CRACD: variants seen among roughly 807,000 people sequenced by gnomAD.
CRACD encodes capping protein inhibiting regulator of actin dynamics, also known as capping protein-inhibiting regulator of actin dynamics.
Under a neutral mutation model 106.8 loss-of-function variants are expected in CRACD, and 56 were observed. That is an observed-to-expected ratio of 0.52 (90% confidence interval 0.42 to 0.66). CRACD has a LOEUF of 0.66. Ranked by LOEUF, CRACD falls within the 30% of genes least tolerant of loss-of-function variation. The probability of loss-of-function intolerance (pLI) is 0.00; values close to 1 mark genes in which losing one functional copy is unlikely to be tolerated. For missense variants in CRACD, 1,730 were observed against 1,623.2 expected, an observed-to-expected ratio of 1.07 and a Z score of -1.13; for synonymous variants, 754 against 670.8, an observed-to-expected ratio of 1.12 and a Z score of -1.92.
At chr4:56,200,111 C>T (rs1413404538) in intron 2 of CRACD, among the ~76,000 whole-genome samples, 1 of 150,688 alleles carries the variant, frequency 6.6e-6, no homozygotes, top group Non-Finnish European at 1.5e-5. Context: ...TTTGAGCATC[C>T]TAGATGCAGT....
intron 1 of CRACD, among the ~76,000 whole-genome samples, chr4:56,160,407 C>T (rs1175659793): frequency 2.0e-5 from 3 of 152,034 alleles, no homozygotes; most frequent in Non-Finnish European, 4.4e-5. Context: ...TGGTCTCAAA[C>T]TCCTGAGCTC....
chr4:56,112,752 T>G (rs1734160641), intron 1 of CRACD, among the ~76,000 whole-genome samples: 1 of 152,124 alleles, frequency 6.6e-6, no homozygotes, highest in African/African-American at 2.4e-5. Flanking sequence ...ATTACCTTTT[T>G]GCTTGTCAGC....
rs758403213 is a variant in CRACD at position 56,315,871 on chromosome 4, A to G, written c.2369A>G (p.Lys790Arg). Reference protein sequence around the residue: ...REPADTTEGCKFAKDLPSFLV... With the variant: ...REPADTTEGCRFAKDLPSFLV... ...CCCGCAGACACCACCGAGGGATGCAAATTTGCCAAAGACCTCCCGTCTTTC... is the reference window on the plus strand; with the variant it reads ...CCCGCAGACACCACCGAGGGATGCAGATTTGCCAAAGACCTCCCGTCTTTC... Residue 790 changes from lysine (K) to arginine (R), a missense_variant, in exon 8 of 11, where the codon AAA becomes AGA. Lys to Arg is a conservative substitution (Grantham distance 26). Coordinates refer to ENST00000682029, the MANE Select transcript of CRACD (RefSeq NM_001393381.1). This position sits in a 1 kb window ranked among gnomAD's most constrained non-coding sequence, Gnocchi z 4.1. 3.7e-6 allele frequency: 6 copies of G among 1,613,956 alleles called. No homozygotes were observed. The highest frequency in any genetic ancestry group is 2.2e-5 in the South Asian group (2 of 91,068).
intron 2 of CRACD, among the ~76,000 whole-genome samples, chr4:56,226,261 C>G (rs1188685393): frequency 6.6e-6 from 1 of 152,076 alleles, no homozygotes; most frequent in African/African-American, 2.4e-5. Flanking sequence ...CTAAACTAGA[C>G]CAAACCATCT....
At chr4:56,135,324 G>A (rs1010684009) in intron 1 of CRACD, among the ~76,000 whole-genome samples, 1 of 152,164 alleles carries the variant, frequency 6.6e-6, no homozygotes, top group Non-Finnish European at 1.5e-5. Flanking sequence ...ATATGCTTTT[G>A]CTAAAAGCCA....
chr4:56,192,081 A>G (rs1194864977), intron 2 of CRACD, among the ~76,000 whole-genome samples: 1 of 152,144 alleles, frequency 6.6e-6, no homozygotes, highest in Non-Finnish European at 1.5e-5. Context: ...TTTTGTGATA[A>G]GTTTACTCTT....
At chr4:56,177,812 A>T (rs1302334390) in intron 1 of CRACD, among the ~76,000 whole-genome samples, 1 of 152,134 alleles carries the variant, frequency 6.6e-6, no homozygotes, top group East Asian at 1.9e-4. Flanking sequence ...TGTTCATAAT[A>T]GTCTCTAATG....
intron 1 of CRACD, among the ~76,000 whole-genome samples, chr4:56,176,540 C>T (rs967581386): frequency 6.6e-6 from 1 of 150,958 alleles, no homozygotes; most frequent in Non-Finnish European, 1.5e-5. Context: ...ACCATTCTCC[C>T]GCCTCAGCCT....
At chr4:56,284,477 C>T (rs1284809284) in intron 3 of CRACD, among the ~76,000 whole-genome samples, 1 of 152,068 alleles carries the variant, frequency 6.6e-6, no homozygotes, top group Non-Finnish European at 1.5e-5. Flanking sequence ...GTAATCCCAA[C>T]ACTTTGGGAG....
intron 2 of CRACD, among the ~76,000 whole-genome samples, chr4:56,229,227 T>G (rs1038073798): frequency 2.0e-5 from 3 of 152,172 alleles, no homozygotes; most frequent in African/African-American, 7.2e-5. Flanking sequence ...ATCCCCAAGG[T>G]GATGATATTA....
intron 2 of CRACD, among the ~76,000 whole-genome samples, chr4:56,211,505 C>G (rs536387286): frequency 2.6e-5 from 4 of 152,312 alleles, no homozygotes; most frequent in Admixed American, 2.0e-4. Context: ...GAGTTCTTGT[C>G]CCACATCCAA....
chr4:56,117,541 A>C (rs1374920085), intron 1 of CRACD, among the ~76,000 whole-genome samples: 2 of 151,750 alleles, frequency 1.3e-5, no homozygotes, highest in Non-Finnish European at 2.9e-5. Flanking sequence ...GAAAATGGGG[A>C]GTTATTGTTT....
At chr4:56,302,738 T>C (rs904474138) in intron 4 of CRACD, among the ~76,000 whole-genome samples, 1 of 152,188 alleles carries the variant, frequency 6.6e-6, no homozygotes, top group Non-Finnish European at 1.5e-5. Flanking sequence ...TTTTTTCTGC[T>C]TTGCTCTTTA....
intron 1 of CRACD, among the ~76,000 whole-genome samples, chr4:56,054,970 T>C (rs1014006523): frequency 1.3e-5 from 2 of 152,196 alleles, no homozygotes; most frequent in Non-Finnish European, 2.9e-5. Context: ...TTGAAACTGG[T>C]ACTGTATTCA....
intron 1 of CRACD, among the ~76,000 whole-genome samples, chr4:56,152,635 G>A (rs1248437098): frequency 6.6e-6 from 1 of 151,986 alleles, no homozygotes; most frequent in Non-Finnish European, 1.5e-5. Context: ...GGAGTTCAAG[G>A]GTGCAGTGAG....
intron 2 of CRACD, among the ~76,000 whole-genome samples, chr4:56,261,561 G>A (rs927193272): frequency 6.6e-6 from 1 of 151,950 alleles, no homozygotes; most frequent in Non-Finnish European, 1.5e-5. Context: ...TGTTGGCCAG[G>A]CTGGTCTTGA....
Position 56,301,021 on chromosome 4 carries a change from T to C in CRACD, c.120+2672T>C, listed in dbSNP as rs150251266. ...CTCATTTTGACAATATCTATTCAGATGAAGTCTGCCTAGTTTTGCTTCCGC... is the reference window on the plus strand; with the variant it reads ...CTCATTTTGACAATATCTATTCAGACGAAGTCTGCCTAGTTTTGCTTCCGC... On this transcript the variant is annotated intron_variant, in intron 4 of 10. Transcript: ENST00000682029. Among the ~76,000 whole-genome samples the C allele has an allele frequency of 4.8e-3, 731 of 152,376 alleles. 2 individuals carry two copies. Among genetic ancestry groups the C allele is most frequent in the African/African-American group, 0.017 (700 of 41,582 alleles).
chr4:56,290,724 A>T (rs1425877538), intron 3 of CRACD, among the ~76,000 whole-genome samples: 1 of 152,222 alleles, frequency 6.6e-6, no homozygotes, highest in East Asian at 1.9e-4. Flanking sequence ...CAGTTAAAAC[A>T]TCTCAGCCAT....
chr4:56,165,876 T>A (rs930509860), intron 1 of CRACD, among the ~76,000 whole-genome samples: 10 of 152,202 alleles, frequency 6.6e-5, no homozygotes, highest in Non-Finnish European at 1.2e-4. Context: ...ATTTGTTTTG[T>A]AAGACACAGG....
Sources: allele counts gnomAD v4.1 joint callset (sites outside exome capture counted in the v4.1 genomes callset), GRCh38; gene constraint gnomAD v4.1.1; non-coding constraint Gnocchi (gnomAD v3.1); transcripts MANE v1.5; gene names NCBI Gene and HGNC (gene_info 2026-07-23, HGNC 2026-07-21).